IDE: variants seen among roughly 807,000 people sequenced by gnomAD.
IDE encodes insulin degrading enzyme.
A neutral mutation model predicts 133.2 loss-of-function variants in IDE; 58 were observed. That is an observed-to-expected ratio of 0.44 (90% CI 0.35 to 0.54). The LOEUF is 0.54. Among genes scored for constraint, IDE ranks in the 20% least tolerant of loss-of-function variants. The pLI is 0.00. For missense variants in IDE, 981 were observed against 1,234.0 expected (o/e 0.79, Z 3.07); for synonymous variants, 396 against 421.3 (o/e 0.94, Z 0.73).
At chr10:92,484,493 G>T (rs1466336727) in intron 13 of IDE, among the ~76,000 whole-genome samples, 1 of 152,128 alleles carries the variant, frequency 6.6e-6, no homozygotes, top group Non-Finnish European at 1.5e-5. Flanking sequence ...AGCACTTTGG[G>T]AGGCCAAGGC....
intron 17 of IDE, among the ~76,000 whole-genome samples, chr10:92,471,341 A>G (rs1845954103): frequency 6.6e-6 from 1 of 152,238 alleles, no homozygotes; most frequent in Non-Finnish European, 1.5e-5. Context: ...AATGCAAATA[A>G]CAAGTGCTTA....
chr10:92,452,248 G>A lies in IDE; in HGVS notation c.*2196C>T, dbSNP rs1430723664. The stretch of plus-strand genomic sequence containing the variant: ...TAATACAAATGCAGACTCCAGAGGT[G>A]AAATTCAGGCGATTTATTGTAAACA... On this transcript the variant is annotated 3_prime_UTR_variant, in exon 25 of 25. Transcript: ENST00000265986. 1 of 152,180 alleles carries A rather than the reference G, an allele frequency of 6.6e-6. No homozygotes were observed. Among genetic ancestry groups the A allele is most frequent in the African/African-American group, 2.4e-5 (1 of 41,440 alleles). 9.4% of individuals were successfully genotyped at this position (152,180 alleles called of 1,614,324 possible).
Position 92,573,085 on chromosome 10 carries a change from G to A in IDE, c.98+837C>T, listed in dbSNP as rs1342977140. On this transcript the variant is annotated intron_variant, in intron 1 of 24. Transcript: ENST00000265986. The stretch of plus-strand genomic sequence containing the variant: ...GGGGTTCAAATAACGTTTCTAGGGA[G>A]GGCAAGATAATACTGCCTATCTTCT... 3.0e-6 allele frequency: 3 copies of A among 985,294 alleles called. No homozygotes were observed. The East Asian group carries it at 3.4e-4, about 112-fold the overall frequency. 61.0% of individuals were successfully genotyped at this position (985,294 alleles called of 1,614,324 possible).
At chr10:92,535,559 C>G (rs7898493) in intron 2 of IDE, among the ~76,000 whole-genome samples, 128,909 of 152,202 alleles carry the variant, frequency 0.85, 54,876 homozygotes, top group African/African-American at 0.93. Context: ...ACCCATCTTA[C>G]AGGGCTGTGT....
Position 92,537,484 on chromosome 10 carries a change from G to C in IDE, c.165C>G (p.Thr55=), listed in dbSNP as rs755720607. 5 of 1,613,484 alleles carry C rather than the reference G, an allele frequency of 3.1e-6. No homozygotes were observed. Among genetic ancestry groups the C allele is most frequent in the Admixed American group, 3.3e-5 (2 of 59,956 alleles). Residue 55 remains threonine (T), a synonymous_variant, in exon 2 of 25, where the codon ACC becomes ACG. Coordinates refer to ENST00000265986, the MANE Select transcript of IDE (RefSeq NM_004969.4). ...PAIKRIGNHI[T]KSPEDKREYR... Reference sequence around the variant, plus strand: ...ATTCTCGCTTGTCTTCAGGAGACTTGGTAATGTGATTTCCTATTCTCTTGA... The same window carrying C: ...ATTCTCGCTTGTCTTCAGGAGACTTCGTAATGTGATTTCCTATTCTCTTGA...
chr10:92,560,407 T>C (rs565409140), intron 1 of IDE, among the ~76,000 whole-genome samples: 37 of 152,178 alleles, frequency 2.4e-4, no homozygotes, highest in Non-Finnish European at 4.7e-4. Context: ...ATTACACTCA[T>C]CGTCTTCTTG....
At chr10:92,573,494 TC>T (rs943848316) in intron 1 of IDE, among the ~76,000 whole-genome samples, 1 of 152,026 alleles carries the variant, frequency 6.6e-6, no homozygotes, top group African/African-American at 2.4e-5. Context: ...TGAGAAGCGG[TC>T]CCCCCGAAGT....
At chr10:92,472,073 T>C (rs1845997421) in intron 17 of IDE, among the ~76,000 whole-genome samples, 1 of 152,224 alleles carries the variant, frequency 6.6e-6, no homozygotes, top group South Asian at 2.1e-4. Context: ...CACTGAGTTG[T>C]TTCCAAATTA....
intron 24 of IDE, among the ~76,000 whole-genome samples, chr10:92,455,144 C>T (rs992258292): frequency 1.3e-5 from 2 of 152,086 alleles, no homozygotes; most frequent in Non-Finnish European, 2.9e-5. Context: ...ACCTGGTGAC[C>T]TGAAACTTTT....
intron 9 of IDE, among the ~76,000 whole-genome samples, chr10:92,506,856 C>G (rs943957045): frequency 6.6e-6 from 1 of 151,994 alleles, no homozygotes; most frequent in East Asian, 1.9e-4. Flanking sequence ...TGTGAAAGAA[C>G]CTTGTGAGAT....
chr10:92,484,294 C>T (rs1230728332), intron 13 of IDE, among the ~76,000 whole-genome samples: 2 of 152,034 alleles, frequency 1.3e-5, no homozygotes, highest in Non-Finnish European at 2.9e-5. Context: ...GCCTGTAGTC[C>T]CAGCTACTCA....
At chr10:92,507,932 A>AG (rs1186386785) in intron 8 of IDE, among the ~76,000 whole-genome samples, 181 bp downstream of exon 8, 5 of 152,240 alleles carry the variant, frequency 3.3e-5, no homozygotes, top group Non-Finnish European at 7.3e-5. Flanking sequence ...TCAGTTGTTA[A>AG]GGGGGGAAGA....
intron 1 of IDE, among the ~76,000 whole-genome samples, chr10:92,555,481 G>GA (rs1455777520): frequency 1.6e-5 from 1 of 61,734 alleles, no homozygotes; most frequent in African/African-American, 6.4e-5. Context: ...TGGGCAACAA[G>GA]AAAAAAACTT....
intron 1 of IDE, among the ~76,000 whole-genome samples, chr10:92,552,885 T>A: frequency 1.4e-5 from 1 of 71,764 alleles, no homozygotes. Context: ...AAAATTATTT[T>A]CCAATAAAAG....
chr10:92,515,141 A>ATTTT, intron 4 of IDE, 99 bp from the exon 5 acceptor site: 3 of 945,714 alleles, frequency 3.2e-6, no homozygotes, highest in Non-Finnish European at 4.8e-6. Flanking sequence ...AACTTTAAAA[A>ATTTT]TAAAGTTCTA....
intron 1 of IDE, among the ~76,000 whole-genome samples, chr10:92,547,867 G>C (rs1245330311): frequency 6.6e-6 from 1 of 152,124 alleles, no homozygotes; most frequent in Admixed American, 6.5e-5. Flanking sequence ...CTGCTCCTGA[G>C]GCACTGGATA....
chr10:92,558,362 A>G (rs964985244), intron 1 of IDE, among the ~76,000 whole-genome samples: 4 of 152,046 alleles, frequency 2.6e-5, no homozygotes. Context: ...CCAATAATAC[A>G]AATCTTAAAA....
At chr10:92,489,513 C>T (rs921417780) in intron 12 of IDE, among the ~76,000 whole-genome samples, 8 of 151,686 alleles carry the variant, frequency 5.3e-5, no homozygotes, top group East Asian at 1.9e-4. Flanking sequence ...GGTGACACAG[C>T]GAGATTCCAT....
At chr10:92,557,319 G>A (rs112505950) in intron 1 of IDE, among the ~76,000 whole-genome samples, 122 of 150,660 alleles carry the variant, frequency 8.1e-4, no homozygotes, top group African/African-American at 2.9e-3. Context: ...GGTGGATCAC[G>A]AGGTCAGGAG....
Sources: gnomAD v4.1 joint callset for allele counts (sites outside exome capture counted in the v4.1 genomes callset) on GRCh38, gnomAD v4.1.1 for gene constraint, MANE v1.5 for transcripts, NCBI Gene and HGNC (gene_info 2026-07-23, HGNC 2026-07-21) for gene names.